The following QTGAL variants were observed in gnomAD, a reference collection of about 807,000 sequenced individuals.
QTGAL encodes the protein queuosine-tRNA galactosyltransferase.
the QTGAL span, chr17:82,957,468 C>T: frequency 1.6e-5 from 25 of 1,607,952 alleles, no homozygotes; most frequent in African/African-American, 1.2e-4. Context: ...TTCCAGGAAG[C>T]GGACGCGGTG....
the QTGAL span, among the ~76,000 whole-genome samples, chr17:82,960,868 C>G: frequency 6.6e-6 from 1 of 152,264 alleles, no homozygotes; most frequent in African/African-American, 2.4e-5. Flanking sequence ...GGAAATGCCC[C>G]TTCGTGGACG....
the QTGAL span, chr17:82,947,119 G>A: frequency 1.5e-6 from 1 of 688,672 alleles, no homozygotes; most frequent in Middle Eastern, 4.1e-4. Context: ...TAATAGCGGA[G>A]AGGCTGGAAG....
the QTGAL span, among the ~76,000 whole-genome samples, chr17:82,958,602 G>A: frequency 6.6e-6 from 1 of 152,202 alleles, no homozygotes; most frequent in African/African-American, 2.4e-5. Context: ...CAGGCAATGG[G>A]ATGGGGGGGA....
the QTGAL span, among the ~76,000 whole-genome samples, chr17:82,970,871 C>G: frequency 6.6e-6 from 1 of 152,216 alleles, no homozygotes; most frequent in Non-Finnish European, 1.5e-5. Flanking sequence ...ATGTCCAAGA[C>G]CGGGCAGCTG....
chr17:83,008,122 C>T, the QTGAL span, among the ~76,000 whole-genome samples: 49 of 152,332 alleles, frequency 3.2e-4, no homozygotes, highest in Middle Eastern at 6.8e-3. Context: ...AATCCTGCAC[C>T]GAGACGTCAG....
chr17:83,049,928 C>T, the QTGAL span, among the ~76,000 whole-genome samples: 37,275 of 152,004 alleles, frequency 0.25, 4,886 homozygotes, highest in East Asian at 0.39. Flanking sequence ...TTAAGTGATA[C>T]GGAGCGATAC....
At chr17:83,032,560 G>GACCGAGCTCGGGAGCTGAA in the QTGAL span, among the ~76,000 whole-genome samples, 1 of 151,808 alleles carries the variant, frequency 6.6e-6, no homozygotes, top group African/African-American at 2.4e-5. Flanking sequence ...CAGGGGCCCA[G>GACCGAGCTCGGGAGCTGAA]CACACCCTAA....
chr17:83,019,018 C>T, the QTGAL span, among the ~76,000 whole-genome samples: 3 of 152,158 alleles, frequency 2.0e-5, no homozygotes, highest in Non-Finnish European at 4.4e-5. Context: ...GTCTACAGGC[C>T]GAGAGGTCTG....
the QTGAL span, among the ~76,000 whole-genome samples, chr17:82,988,417 T>C: frequency 1.3e-5 from 2 of 152,324 alleles, no homozygotes; most frequent in African/African-American, 4.8e-5. Flanking sequence ...CAAGAAACTC[T>C]AGGCAATACC....
At chr17:83,010,291 G>A in the QTGAL span, among the ~76,000 whole-genome samples, 1 of 152,162 alleles carries the variant, frequency 6.6e-6, no homozygotes, top group Non-Finnish European at 1.5e-5. Context: ...GAAGGCGAAG[G>A]TGAAGGAGGA....
the QTGAL span, among the ~76,000 whole-genome samples, chr17:82,992,212 C>A: frequency 1.3e-5 from 2 of 152,000 alleles, no homozygotes; most frequent in Non-Finnish European, 2.9e-5. Flanking sequence ...TTATAGAACA[C>A]CAAGCAGATT....
the QTGAL span, among the ~76,000 whole-genome samples, chr17:82,963,575 C>A: frequency 6.6e-6 from 1 of 152,120 alleles, no homozygotes; most frequent in African/African-American, 2.4e-5. Context: ...AATTCCACAC[C>A]CTCCACCAGT....
the QTGAL span, among the ~76,000 whole-genome samples, chr17:82,987,350 C>A: frequency 6.6e-6 from 1 of 152,096 alleles, no homozygotes; most frequent in African/African-American, 2.4e-5. Context: ...GAGAAATGTA[C>A]AAAAACATGA....
the QTGAL span, among the ~76,000 whole-genome samples, chr17:83,043,917 C>A: frequency 5.0e-4 from 76 of 152,088 alleles, no homozygotes; most frequent in African/African-American, 1.6e-3. Context: ...TTCCTAGAAA[C>A]AAACTACCAA....
At chr17:83,033,475 C>CTT in the QTGAL span, among the ~76,000 whole-genome samples, 227 of 145,508 alleles carry the variant, frequency 1.6e-3, no homozygotes, top group South Asian at 5.4e-3. Context: ...AAGTTATATG[C>CTT]TTTTTTTTTT....
the QTGAL span, among the ~76,000 whole-genome samples, chr17:82,994,551 T>C: frequency 6.6e-6 from 1 of 152,096 alleles, no homozygotes; most frequent in Non-Finnish European, 1.5e-5. Context: ...GTCAAAGTCA[T>C]AATACAAAGT....
At chr17:83,004,914 C>A in the QTGAL span, among the ~76,000 whole-genome samples, 1 of 152,258 alleles carries the variant, frequency 6.6e-6, no homozygotes. Context: ...GAACTGCCGG[C>A]CTGAGACCAG....
At chr17:82,959,174 C>T in the QTGAL span, among the ~76,000 whole-genome samples, 3 of 151,794 alleles carry the variant, frequency 2.0e-5, no homozygotes, top group Non-Finnish European at 4.4e-5. Context: ...TGCATGTGTA[C>T]ATGAGCACGT....
the QTGAL span, among the ~76,000 whole-genome samples, chr17:83,001,966 T>C: frequency 3.9e-5 from 6 of 151,948 alleles, no homozygotes; most frequent in East Asian, 5.8e-4. Context: ...CTCACTATAT[T>C]GCGCAGACTG....
Sources: gnomAD v4.1 joint callset for allele counts (sites outside exome capture counted in the v4.1 genomes callset) on GRCh38, gnomAD v4.1.1 for gene constraint, MANE v1.5 for transcripts, NCBI Gene and HGNC (gene_info 2026-07-23, HGNC 2026-07-21) for gene names.